CDH20: variants seen among roughly 807,000 people sequenced by gnomAD.
CDH20 encodes cadherin 20.
CDH20 carries 29 observed loss-of-function variants against 74.2 expected under a neutral mutation model. That is an observed-to-expected ratio of 0.39 (90% CI 0.29 to 0.53). The LOEUF (loss-of-function observed/expected upper bound fraction) is 0.53. CDH20 is among the 20% of genes least tolerant of loss of function. CDH20 has a pLI of 0.69. For missense variants in CDH20, 988 were observed against 1,048.3 expected (o/e 0.94, Z 0.79); for synonymous variants, 469 against 405.4 (o/e 1.16, Z -1.88).
chr18:61,499,425 GC>G lies in CDH20; in HGVS notation c.489del (p.Lys164SerfsTer24), dbSNP rs1339069266. The G allele has an allele frequency of 1.9e-6, 3 of 1,613,988 alleles. No individual in the cohort carries two copies. The highest frequency in any genetic ancestry group is 2.2e-5 in the East Asian group (1 of 44,876). The stretch of plus-strand genomic sequence containing the variant: ...AAATTCAAGACATCAATGACAATGA[GC>G]CCAAGTTCCTGGACGGACCTTATGT... Reference protein sequence around the residue: ...IKIQDINDNEPKFLDGPYVAT... With the variant: ...IKIQDINDNEXKFLDGPYVAT... On this transcript the variant is annotated frameshift_variant, in exon 3 of 12. Coordinates refer to ENST00000262717, the MANE Select transcript of CDH20 (RefSeq NM_031891.4). LOFTEE classifies it high-confidence loss of function.
intron 7 of CDH20, among the ~76,000 whole-genome samples, chr18:61,535,218 C>T (rs141143537): frequency 2.0e-5 from 3 of 151,404 alleles, no homozygotes; most frequent in African/African-American, 7.3e-5. Context: ...TGGGAGGCTG[C>T]GGCAGGAGAA....
intron 6 of CDH20, among the ~76,000 whole-genome samples, chr18:61,508,597 T>G (rs1246459148): frequency 6.6e-6 from 1 of 152,192 alleles, no homozygotes; most frequent in Admixed American, 6.6e-5. Context: ...AACAGCATTT[T>G]CAGTGACCTG....
chr18:61,366,074 C>G (rs1321317057), intron 1 of CDH20, among the ~76,000 whole-genome samples: 1 of 152,122 alleles, frequency 6.6e-6, no homozygotes, highest in Non-Finnish European at 1.5e-5. Context: ...CATAATAATT[C>G]ATAAATATAG....
chr18:61,409,392 C>A (rs550234502), intron 1 of CDH20, among the ~76,000 whole-genome samples: 2 of 152,140 alleles, frequency 1.3e-5, no homozygotes, highest in African/African-American at 4.8e-5. Context: ...TCCTTCAACA[C>A]GGTCCTGTGG....
chr18:61,541,876 A>T (rs1231124133), intron 9 of CDH20, among the ~76,000 whole-genome samples: 1 of 152,198 alleles, frequency 6.6e-6, no homozygotes, highest in East Asian at 1.9e-4. Context: ...GCTGAGCAGA[A>T]TATTGCACGA....
At chr18:61,421,594 A>G (rs952554375) in intron 1 of CDH20, among the ~76,000 whole-genome samples, 2 of 152,186 alleles carry the variant, frequency 1.3e-5, no homozygotes, top group Non-Finnish European at 1.5e-5. Context: ...GAGTTACTAT[A>G]GTTAACACGA....
chr18:61,527,249 G>A (rs1912445638), intron 6 of CDH20, among the ~76,000 whole-genome samples: 1 of 152,066 alleles, frequency 6.6e-6, no homozygotes, highest in Non-Finnish European at 1.5e-5. Flanking sequence ...ATCTGACACA[G>A]CACCTGAGAA....
At position 61,554,633 on chromosome 18, in the gene CDH20, C is replaced by T; in HGVS notation, c.2344C>T (p.Pro782Ser). 1 of 1,602,562 alleles carries T rather than the reference C, an allele frequency of 6.2e-7. No individual in the cohort carries two copies. Residue 782 changes from proline to serine, a missense_variant, in exon 12 of 12, where the codon CCC becomes TCC. Pro to Ser is a moderately conservative substitution (Grantham distance 74). Around this residue, in one of 2 missense-constraint regions of CDH20, gnomAD observed 375 missense variants for 293.1 expected, o/e 1.28. Transcript: ENST00000262717. The stretch of plus-strand genomic sequence containing the variant: ...CTTCGACTTCCTGACGGACTGGGGG[C>T]CCCGCTTCCGGAAGCTGGCCGAGCT... Reference protein sequence around the residue: ...QSFDFLTDWGPRFRKLAELYG... With the variant: ...QSFDFLTDWGSRFRKLAELYG...
intron 1 of CDH20, among the ~76,000 whole-genome samples, chr18:61,474,907 G>T (rs1260910409): frequency 6.6e-6 from 1 of 152,030 alleles, no homozygotes; most frequent in Non-Finnish European, 1.5e-5. Context: ...ACATGAAGAA[G>T]GTATTAAAAT....
At chr18:61,415,149 T>C (rs1450058677) in intron 1 of CDH20, among the ~76,000 whole-genome samples, 1 of 152,178 alleles carries the variant, frequency 6.6e-6, no homozygotes, top group East Asian at 1.9e-4. Context: ...TATTCACTAG[T>C]ACTATCATTA....
intron 1 of CDH20, among the ~76,000 whole-genome samples, chr18:61,483,214 A>G (rs1364396114): frequency 6.6e-6 from 1 of 151,876 alleles, no homozygotes; most frequent in African/African-American, 2.4e-5. Flanking sequence ...CGTGCTAAGC[A>G]CCTCTTGTAC....
At position 61,454,823 on chromosome 18, in the gene CDH20, C is replaced by G. The variant is rs76324964; in HGVS notation, c.-152-35579C>G. On this transcript the variant is annotated intron_variant, in intron 1 of 11. Coordinates refer to ENST00000262717, the MANE Select transcript of CDH20 (RefSeq NM_031891.4). ...TGAACAATGCCCCTGCAGCATAAAA[C>G]AGCATCCTCGGGGTTTGTAGGTCCC... Among the ~76,000 whole-genome samples the G allele has an allele frequency of 4.4e-3, 665 of 152,336 alleles. 5 individuals are homozygous for G. Among genetic ancestry groups the G allele is most frequent in the African/African-American group, 0.015 (621 of 41,572 alleles).
chr18:61,474,025 A>C (rs2849863), intron 1 of CDH20, among the ~76,000 whole-genome samples: 67,195 of 151,968 alleles, frequency 0.44, 15,041 homozygotes, highest in Middle Eastern at 0.61. Context: ...GCATTTTAAA[A>C]CACCATTGAT....
At chr18:61,500,033 G>A (rs1911310615) in intron 3 of CDH20, among the ~76,000 whole-genome samples, 1 of 148,796 alleles carries the variant, frequency 6.7e-6, no homozygotes, top group Admixed American at 6.8e-5. Flanking sequence ...GAACCCGGGA[G>A]GTGGAGATTT....
intron 4 of CDH20, 58 bp from the exon 5 acceptor site, chr18:61,502,895 C>A: frequency 6.9e-7 from 1 of 1,445,830 alleles, no homozygotes; most frequent in South Asian, 1.4e-5. Context: ...AGAAACCAAT[C>A]TTTAAAAACT....
At chr18:61,513,842 G>C (rs998420584) in intron 6 of CDH20, among the ~76,000 whole-genome samples, 7 of 152,106 alleles carry the variant, frequency 4.6e-5, no homozygotes, top group African/African-American at 1.7e-4. Context: ...CTCTCTTCTG[G>C]CTTGTAGGGT....
chr18:61,491,363 A>AT (rs1262749810), intron 2 of CDH20, among the ~76,000 whole-genome samples: 2 of 152,046 alleles, frequency 1.3e-5, no homozygotes, highest in Non-Finnish European at 2.9e-5. Context: ...TTAATCCTGG[A>AT]TTTTTCCTGT....
Position 61,500,741 on chromosome 18 carries a change from C to T in CDH20, c.661+239C>T, listed in dbSNP as rs138947151. On this transcript the variant is annotated intron_variant, in intron 4 of 11. Coordinates refer to ENST00000262717, the MANE Select transcript of CDH20 (RefSeq NM_031891.4). ...GAGGCAAAAAGCCCCTCTGCGCAAACACACACAAAATAACTCCCCAATAGC... is the reference window on the plus strand; with the variant it reads ...GAGGCAAAAAGCCCCTCTGCGCAAATACACACAAAATAACTCCCCAATAGC... Among the ~76,000 whole-genome samples, 220 of 152,326 alleles carry T rather than the reference C, an allele frequency of 1.4e-3. 1 individual carries two copies. The highest frequency in any genetic ancestry group is 5.0e-3 in the African/African-American group (208 of 41,580).
chr18:61,458,607 TATG>T (rs920758499), intron 1 of CDH20, among the ~76,000 whole-genome samples: 3 of 152,192 alleles, frequency 2.0e-5, no homozygotes, highest in African/African-American at 7.2e-5. Context: ...GCTTAAGGCT[TATG>T]ATGTGTATAA....
Sources: allele counts gnomAD v4.1 joint callset (sites outside exome capture counted in the v4.1 genomes callset), GRCh38; gene constraint gnomAD v4.1.1; regional missense constraint gnomAD v4.1.1; transcripts MANE v1.5; gene names NCBI Gene and HGNC (gene_info 2026-07-23, HGNC 2026-07-21).